Variants in OR9G1 observed in about 807,000 individuals in gnomAD.
OR9G1 encodes the protein olfactory receptor 9G1.
A neutral mutation model predicts 14.5 loss-of-function variants in OR9G1; 21 were observed. The observed-to-expected ratio is 1.45, with a 90% CI of 1.03 to 2.09. The LOEUF (loss-of-function observed/expected upper bound fraction) is 2.09, where lower values mean the gene tolerates loss of function less well. OR9G1 is among the 30% of genes most tolerant of loss of function. OR9G1 has a pLI of 0.00. For missense variants in OR9G1, 476 were observed against 364.2 expected (o/e 1.31, Z -2.50); for synonymous variants, 179 against 153.3 (o/e 1.17, Z -1.24).
intron 1 of OR9G1, among the ~76,000 whole-genome samples, chr11:56,700,118 G>A (rs1224698678): frequency 6.6e-6 from 1 of 152,300 alleles, no homozygotes; most frequent in African/African-American, 2.4e-5. Context: ...AAGAAAAATA[G>A]CAATTATAAG....
Position 56,702,816 on chromosome 11 carries a change from G to C in OR9G1, c.*1511G>C, listed in dbSNP as rs1381469718. 1 of 152,364 alleles carries C rather than the reference G, an allele frequency of 6.6e-6. No individual in the cohort carries two copies. Among genetic ancestry groups the C allele is most frequent in the Non-Finnish European group, 1.5e-5 (1 of 68,092 alleles). The allele number at this position is 152,364 out of a possible 1,614,324, so 9.4% of individuals were successfully genotyped here. On this transcript the variant is annotated 3_prime_UTR_variant, in exon 2 of 2. Transcript: ENST00000642097. ...GGTACAAAGTTTCATGTAGGCAGGA[G>C]GAATAAGTTCTGGTGAACTATTGCA...
intron 1 of OR9G1, among the ~76,000 whole-genome samples, chr11:56,699,928 T>A (rs986441707): frequency 6.6e-6 from 1 of 152,300 alleles, no homozygotes; most frequent in African/African-American, 2.4e-5. Flanking sequence ...AGATATGAAT[T>A]TATAATGCTT....
Position 56,701,380 on chromosome 11 carries a change from C to G in OR9G1, c.*75C>G. ...TGTTGTGTATTTCAAACAGAGTTAC[C>G]ATTGTGCTTTATCGTGATCAGTCCC... On this transcript the variant is annotated 3_prime_UTR_variant, in exon 2 of 2. Transcript: ENST00000642097. 1 of 1,518,582 alleles carries G rather than the reference C, an allele frequency of 6.6e-7. No individual in the cohort carries two copies. The highest frequency in any genetic ancestry group is 8.7e-7 in the Non-Finnish European group (1 of 1,143,220). The allele number at this position is 1,518,582 out of a possible 1,614,324, so 94.1% of individuals were successfully genotyped here. A position where few individuals can be genotyped will look rare whatever the true frequency, so the allele number is the denominator to read the frequency against.
At position 56,701,395 on chromosome 11, in the gene OR9G1, T is replaced by A. The variant is rs76432482; in HGVS notation, c.*90T>A. On this transcript the variant is annotated 3_prime_UTR_variant, in exon 2 of 2. Transcript: ENST00000642097. ...ACAGAGTTACCATTGTGCTTTATCG[T>A]GATCAGTCCCCTTCTTGACACGTGA... 4 of 1,481,348 alleles carry A rather than the reference T, an allele frequency of 2.7e-6. No homozygotes were observed. The Admixed American group carries it at 9.6e-5, about 36-fold the overall frequency. 91.8% of individuals were successfully genotyped at this position (1,481,348 alleles called of 1,614,324 possible).
Position 56,701,154 on chromosome 11 carries a change from A to G in OR9G1, c.767A>G (p.Tyr256Cys). ...SVTLYYGSILYIYALPRSSYS... is the reference protein window; with the variant it reads ...SVTLYYGSILCIYALPRSSYS... ...ACTTTATACTATGGCTCCATTCTCT[A>G]CATCTACGCTCTCCCCAGATCTAGC... is the stretch of plus-strand genomic sequence containing the variant. Residue 256 changes from tyrosine to cysteine, a missense_variant, in exon 2 of 2, where the codon TAC becomes TGC. Physicochemically the swap from Tyr to Cys is radical, Grantham distance 194. This residue lies in a region of OR9G1 where 352 missense variants were observed against 211.6 expected (regional missense o/e 1.66). Coordinates refer to ENST00000642097, the MANE Select transcript of OR9G1 (RefSeq NM_001005213.2). 6.2e-7 allele frequency: 1 copy of G among 1,614,318 alleles called. No homozygotes were observed. The highest frequency in any genetic ancestry group is 8.5e-7 in the Non-Finnish European group (1 of 1,180,060).
chr11:56,700,720 C>CAGCT lies in OR9G1; in HGVS notation c.333_334insAGCT (p.Tyr112SerfsTer10). 1 of 1,614,088 alleles carries CAGCT rather than the reference C, an allele frequency of 6.2e-7. No individual in the cohort carries two copies. Among genetic ancestry groups the CAGCT allele is most frequent in the Non-Finnish European group, 8.5e-7 (1 of 1,179,854 alleles). On this transcript the variant is annotated frameshift_variant, in exon 2 of 2. Transcript: ENST00000642097. LOFTEE classifies it high-confidence loss of function. ...CTGCAGGGCTGGCCTATAGTGAGTGCTACCTGCTGGCTGCCGTGGCTTATG... is the reference window on the plus strand; with the variant it reads ...CTGCAGGGCTGGCCTATAGTGAGTGCAGCTTACCTGCTGGCTGCCGTGGCTTATG...
In OR9G1 at chr11:56,702,435, T is replaced by C. The variant is rs959026252; in HGVS notation, c.*1130T>C. 2.1e-5 allele frequency: 3 copies of C among 145,996 alleles called. No individual in the cohort carries two copies. The highest frequency in any genetic ancestry group is 4.6e-5 in the Non-Finnish European group (3 of 65,858). 9.0% of individuals were successfully genotyped at this position (145,996 alleles called of 1,614,324 possible). On this transcript the variant is annotated 3_prime_UTR_variant, in exon 2 of 2. Transcript: ENST00000642097. ...CCAGAAGTGGAATTGTTAGATCATA[T>C]GGTAATTCTATTTTTAGTTTTTGGA...
Position 56,701,068 on chromosome 11 carries a change from C to A in OR9G1, c.681C>A (p.Ile227=). ...YLFIITSVLR[I]SSSKGYLKAF... The stretch of plus-strand genomic sequence containing the variant: ...TTATCATCACCAGTGTCTTGAGGAT[C>A]TCCTCCTCCAAGGGCTACCTCAAAG... Residue 227 remains isoleucine, a synonymous_variant, in exon 2 of 2, where the codon ATC becomes ATA. Coordinates refer to ENST00000642097, the MANE Select transcript of OR9G1 (RefSeq NM_001005213.2). The A allele has an allele frequency of 6.2e-7, 1 of 1,614,314 alleles. No homozygotes were observed.
rs149180791 is a variant in OR9G1, at chr11:56,700,905, T to C, written c.518T>C (p.Ile173Thr). 4.3e-5 allele frequency: 70 copies of C among 1,614,150 alleles called. No individual in the cohort carries two copies. The highest frequency in any genetic ancestry group is 5.5e-5 in the Non-Finnish European group (65 of 1,180,024). ...FSFNFCRENIIDDFFCDLLPL... is the reference protein window; with the variant it reads ...FSFNFCRENITDDFFCDLLPL... ...TTTAACTTCTGCCGTGAAAACATCA[T>C]TGATGACTTTTTCTGTGATTTGCTT... The change falls in exon 2 of 2, where the codon ATT becomes ACT. Residue 173 changes from isoleucine to threonine, a missense_variant. Ile to Thr is a moderately conservative substitution (Grantham distance 89, BLOSUM62 -1). Around this residue, in one of 3 missense-constraint regions of OR9G1, gnomAD observed 352 missense variants for 211.6 expected, o/e 1.66. Coordinates refer to ENST00000642097, the MANE Select transcript of OR9G1 (RefSeq NM_001005213.2).
At position 56,700,523 on chromosome 11, in the gene OR9G1, G is replaced by A. The variant is rs202001195; in HGVS notation, c.136G>A (p.Val46Met). ...LTVVGNSTLI[V>M]LICNDSCLHT... ...TGTGGTAGGAAATAGCACCCTCATC[G>A]TGTTGATCTGTAATGACTCCTGCCT... The change falls in exon 2 of 2, where the codon GTG (valine) becomes ATG (methionine). Residue 46 changes from valine to methionine, a missense_variant. Val to Met is a conservative substitution (Grantham distance 21). This residue lies in a region of OR9G1 where 89 missense variants were observed against 85.1 expected (regional missense o/e 1.05). Coordinates refer to ENST00000642097, the MANE Select transcript of OR9G1 (RefSeq NM_001005213.2). 132 of 1,614,214 alleles carry A rather than the reference G, an allele frequency of 8.2e-5. No individual in the cohort carries two copies. Among genetic ancestry groups the A allele is most frequent in the East Asian group, 1.3e-4 (6 of 44,894 alleles).
Position 56,701,143 on chromosome 11 carries a change from C to T in OR9G1, c.756C>T (p.Gly252=). ...TGACCTCTGTCACTTTATACTATGG[C>T]TCCATTCTCTACATCTACGCTCTCC... ...SHLTSVTLYY[G]SILYIYALPR... is the part of the protein sequence containing the mutation. The change falls in exon 2 of 2, where the codon GGC becomes GGT. Residue 252 remains glycine (G), a synonymous_variant. Coordinates refer to ENST00000642097, the MANE Select transcript of OR9G1 (RefSeq NM_001005213.2). 6.2e-7 allele frequency: 1 copy of T among 1,614,322 alleles called. No individual in the cohort carries two copies. Among genetic ancestry groups the T allele is most frequent in the South Asian group, 1.1e-5 (1 of 91,092 alleles).
chr11:56,699,103 G>A lies in OR9G1; in HGVS notation c.-106G>A, dbSNP rs61904563. 0.05 allele frequency: 7,525 copies of A among 150,692 alleles called. No individual in the cohort carries two copies. Among genetic ancestry groups the A allele is most frequent in the Non-Finnish European group, 0.072 (4,814 of 67,038 alleles). The allele number at this position is 150,692 out of a possible 1,614,324, so 9.3% of individuals were successfully genotyped here. ...GATGGAGAAGACCAGTGGTTCAAGC[G>A]CTGATTCTGGGGACACTCCAAAGTT... is the stretch of plus-strand genomic sequence containing the variant. On this transcript the variant is annotated 5_prime_UTR_variant, in exon 1 of 2. Coordinates refer to ENST00000642097, the MANE Select transcript of OR9G1 (RefSeq NM_001005213.2).
rs1375899029 is a variant in OR9G1, at chr11:56,700,868, A to G, written c.481A>G (p.Lys161Glu). 42 of 1,614,132 alleles carry G rather than the reference A, an allele frequency of 2.6e-5. No homozygotes were observed. The highest frequency in any genetic ancestry group is 3.6e-5 in the Non-Finnish European group (42 of 1,180,006). Residue 161 changes from lysine to glutamate, a missense_variant, in exon 2 of 2, where the codon AAA becomes GAA. Lys to Glu is a moderately conservative substitution (Grantham distance 56, BLOSUM62 1). This residue lies in a region of OR9G1 where 352 missense variants were observed against 211.6 expected (regional missense o/e 1.66). Coordinates refer to ENST00000642097, the MANE Select transcript of OR9G1 (RefSeq NM_001005213.2). ...GFINSSIITK[K>E]TFSFNFCREN... ...TATTAACTCTTCAATCATCACCAAG[A>G]AAACGTTTTCCTTTAACTTCTGCCG...
chr11:56,699,753 G>A (rs940171683), intron 1 of OR9G1, among the ~76,000 whole-genome samples: 2 of 152,266 alleles, frequency 1.3e-5, no homozygotes, highest in Admixed American at 1.3e-4. Context: ...TGTTATTATT[G>A]TGTTTATTAT....
In OR9G1 at chr11:56,701,340, C is replaced by T. The variant is rs79541050; in HGVS notation, c.*35C>T. ...ATCTCCACCAGAGGAGAAACAAAGA[C>T]GACCTTAGATGGAGTGTTGTGTATT... On this transcript the variant is annotated 3_prime_UTR_variant, in exon 2 of 2. Coordinates refer to ENST00000642097, the MANE Select transcript of OR9G1 (RefSeq NM_001005213.2). 8,239 of 1,559,594 alleles carry T rather than the reference C, an allele frequency of 5.3e-3. No individual in the cohort carries two copies. The African/African-American group carries it at 0.098, about 19-fold the overall frequency.
At position 56,700,402 on chromosome 11, in the gene OR9G1, T is replaced by C. The variant is rs1320945349; in HGVS notation, c.15T>C (p.Asn5=). The change falls in exon 2 of 2, where the codon AAT becomes AAC. Residue 5 remains asparagine, a synonymous_variant. Coordinates refer to ENST00000642097, the MANE Select transcript of OR9G1 (RefSeq NM_001005213.2). The stretch of plus-strand genomic sequence containing the variant: ...TCCTTACAGCCATGCAGAGGAGCAA[T>C]CATACAGTGACTGAGTTTATACTGC... MQRS[N]HTVTEFILLG... 1.2e-6 allele frequency: 2 copies of C among 1,613,998 alleles called. No individual in the cohort carries two copies. The highest frequency in any genetic ancestry group is 3.3e-5 in the Admixed American group (2 of 60,002).
chr11:56,701,227 A>C lies in OR9G1; in HGVS notation c.840A>C (p.Val280=), dbSNP rs1298421412. 5.6e-6 allele frequency: 9 copies of C among 1,614,290 alleles called. No homozygotes were observed. Among genetic ancestry groups the C allele is most frequent in the Non-Finnish European group, 5.1e-6 (6 of 1,180,044 alleles). Residue 280 remains valine, a synonymous_variant, in exon 2 of 2, where the codon GTA becomes GTC. Transcript: ENST00000642097. The stretch of plus-strand genomic sequence containing the variant: ...TAGTTTCTACATTTTACACTGTGGT[A>C]TTCCCCATGTTGAATCTCATGATCT... The part of the protein sequence containing the change: ...DKIVSTFYTV[V]FPMLNLMIYS...
Position 56,700,746 on chromosome 11 carries a change from A to C in OR9G1, c.359A>C (p.Asp120Ala). 6.2e-7 allele frequency: 1 copy of C among 1,614,310 alleles called. No homozygotes were observed. Among genetic ancestry groups the C allele is most frequent in the Non-Finnish European group, 8.5e-7 (1 of 1,180,054 alleles). Residue 120 changes from aspartate to alanine, a missense_variant, in exon 2 of 2, where the codon GAC (aspartate) becomes GCC (alanine). Asp to Ala is a moderately radical substitution (Grantham distance 126). Coordinates refer to ENST00000642097, the MANE Select transcript of OR9G1 (RefSeq NM_001005213.2). ...TACCTGCTGGCTGCCGTGGCTTATGACCGCTACGTGGCCATCTCCAAGCCC... is the reference window on the plus strand; with the variant it reads ...TACCTGCTGGCTGCCGTGGCTTATGCCCGCTACGTGGCCATCTCCAAGCCC... Reference protein sequence around the residue: ...ECYLLAAVAYDRYVAISKPLL... With the variant: ...ECYLLAAVAYARYVAISKPLL...
chr11:56,702,272 C>CT lies in OR9G1; in HGVS notation c.*972dup, dbSNP rs796839827. 1.3e-5 allele frequency: 2 copies of CT among 148,628 alleles called. No homozygotes were observed. The highest frequency in any genetic ancestry group is 2.5e-5 in the African/African-American group (1 of 40,084). 9.2% of individuals were successfully genotyped at this position (148,628 alleles called of 1,614,324 possible). Reference sequence around the variant, plus strand: ...TTATTCCATTGTGTACTATATGCCACTTTTTCTTTTATCGATTTATCTGTT... The same window carrying CT: ...TTATTCCATTGTGTACTATATGCCACTTTTTTCTTTTATCGATTTATCTGTT... On this transcript the variant is annotated 3_prime_UTR_variant, in exon 2 of 2. Coordinates refer to ENST00000642097, the MANE Select transcript of OR9G1 (RefSeq NM_001005213.2).
Sources: gnomAD v4.1 joint callset for allele counts (sites outside exome capture counted in the v4.1 genomes callset) on GRCh38, gnomAD v4.1.1 for gene constraint, gnomAD v4.1.1 regional missense constraint, MANE v1.5 for transcripts, NCBI Gene and HGNC (gene_info 2026-07-23, HGNC 2026-07-21) for gene names.